The following NCF2 variants were observed in gnomAD, a reference collection of about 807,000 sequenced individuals.
NCF2 encodes the protein neutrophil cytosol factor 2.
A neutral mutation model predicts 70.9 loss-of-function variants in NCF2; 45 were observed. The ratio of observed to expected loss-of-function variants is 0.63; its 90% confidence interval spans 0.50 to 0.81. The LOEUF is 0.81. Among genes scored for constraint, NCF2 ranks in the 40% least tolerant of loss-of-function variants. NCF2 has a pLI of 0.00. For synonymous variants in NCF2, 203 were observed against 233.6 expected (o/e 0.87, Z 1.19); for missense variants, 522 against 631.6 (o/e 0.83, Z 1.86).
chr1:183,563,640 A>G, intron 11 of NCF2, 55 bp from the exon 12 acceptor site: 1 of 1,607,430 alleles, frequency 6.2e-7, no homozygotes, highest in Admixed American at 1.7e-5. Context: ...TTCTCTCAAC[A>G]TCCTGGATCA....
intron 6 of NCF2, among the ~76,000 whole-genome samples, chr1:183,569,780 G>C (rs565234906): frequency 6.6e-6 from 1 of 152,232 alleles, no homozygotes; most frequent in East Asian, 1.9e-4. Flanking sequence ...GTAGGGACAG[G>C]GGTTTCACCA....
intron 3 of NCF2, among the ~76,000 whole-genome samples, chr1:183,577,002 G>C (rs1217732493): frequency 6.6e-6 from 1 of 152,234 alleles, no homozygotes; most frequent in Non-Finnish European, 1.5e-5. Flanking sequence ...GAGAAAAGAA[G>C]TTGTTTTGCA....
chr1:183,569,929 G>A (rs1672472721), intron 6 of NCF2, among the ~76,000 whole-genome samples: 1 of 152,120 alleles, frequency 6.6e-6, no homozygotes, highest in Admixed American at 6.6e-5. Flanking sequence ...TCCACTGACT[G>A]GGCAAGAATC....
chr1:183,586,788 C>T, intron 2 of NCF2, 107 bp downstream of exon 2: 2 of 1,019,068 alleles, frequency 2.0e-6, no homozygotes, highest in South Asian at 1.3e-5. Context: ...AGTCACATTT[C>T]CCAACAGAGG....
intron 1 of NCF2, among the ~76,000 whole-genome samples, chr1:183,588,251 A>G (rs1297195101): frequency 6.6e-6 from 1 of 152,192 alleles, no homozygotes; most frequent in Non-Finnish European, 1.5e-5. Context: ...GAGAGTAGTA[A>G]TTACTATTTA....
chr1:183,569,246 C>A, intron 6 of NCF2, 61 bp from the exon 7 acceptor site: 2 of 1,419,034 alleles, frequency 1.4e-6, no homozygotes, highest in Non-Finnish European at 2.0e-6. Context: ...AGGGGAGAGA[C>A]AACAAACGGC....
intron 3 of NCF2, among the ~76,000 whole-genome samples, chr1:183,576,009 G>A (rs1046334628): frequency 2.0e-5 from 3 of 152,156 alleles, no homozygotes; most frequent in African/African-American, 7.2e-5. Flanking sequence ...AACTCAGATC[G>A]TTTAAAATTT....
chr1:183,577,562 A>G (rs1377140898), intron 3 of NCF2, 37 bp downstream of exon 3: 1 of 1,487,270 alleles, frequency 6.7e-7, no homozygotes, highest in Admixed American at 1.7e-5. Context: ...TCCAGCCATG[A>G]TCCCCTCCTG....
At chr1:183,566,707 C>G (rs1404968215) in intron 9 of NCF2, among the ~76,000 whole-genome samples, 1 of 152,224 alleles carries the variant, frequency 6.6e-6, no homozygotes, top group African/African-American at 2.4e-5. Flanking sequence ...CCAATGGGAC[C>G]TACAGATGCC....
intron 3 of NCF2, among the ~76,000 whole-genome samples, chr1:183,575,256 G>A (rs1672748837): frequency 6.6e-6 from 1 of 152,214 alleles, no homozygotes; most frequent in Non-Finnish European, 1.5e-5. Flanking sequence ...AATCACTTGA[G>A]GTCAGGAGTT....
In NCF2 at chr1:183,563,989, G is replaced by A; in HGVS notation, c.1026+16C>T. ...CATCTTCTACCACTTGAAACAGTAT[G>A]AGGGAAAAATGTTACCTTAGGCTCT... On this transcript the variant is annotated intron_variant, in intron 11 of 14. Transcript: ENST00000367535. The A allele has an allele frequency of 6.2e-7, 1 of 1,602,580 alleles. No individual in the cohort carries two copies. The highest frequency in any genetic ancestry group is 2.2e-5 in the East Asian group (1 of 44,828).
upstream of NCF2, among the ~76,000 whole-genome samples, chr1:183,595,464 T>C (rs960147809): frequency 1.3e-5 from 2 of 152,212 alleles, no homozygotes; most frequent in Non-Finnish European, 2.9e-5. Flanking sequence ...ATGTACTATG[T>C]CACAGTTTTC....
intron 1 of NCF2, among the ~76,000 whole-genome samples, chr1:183,588,224 C>T (rs189885136): frequency 1.2e-4 from 19 of 152,140 alleles, no homozygotes; most frequent in Non-Finnish European, 2.5e-4. Context: ...TCCAACACAA[C>T]AGAGCACCTT....
the NCF2 span, among the ~76,000 whole-genome samples, chr1:183,601,182 C>T: frequency 3.3e-5 from 5 of 152,230 alleles, no homozygotes; most frequent in African/African-American, 9.6e-5. Context: ...TGCAGACCCT[C>T]TGTCCCCTCC....
rs119103275 is a variant in NCF2, at chr1:183,586,922, C to T, written c.230G>A (p.Arg77Gln). 32 of 1,613,950 alleles carry T rather than the reference C, an allele frequency of 2.0e-5. No individual in the cohort carries two copies. Among genetic ancestry groups the T allele is most frequent in the Non-Finnish European group, 2.3e-5 (27 of 1,179,970 alleles). Residue 77 changes from arginine (R) to glutamine (Q), a missense_variant, in exon 2 of 15, where the codon CGA (arginine) becomes CAA (glutamine). By Grantham distance (43) the Arg-to-Gln change is conservative (BLOSUM62 1). Transcript: ENST00000367535. Reference protein sequence around the residue: ...DKHLAVAYFQRGMLYYQTEKY... With the variant: ...DKHLAVAYFQQGMLYYQTEKY... ...CTCTGTCTGGTAGTAGAGCATCCCT[C>T]GTTGGAAGTAAGCCACTGCCAAGTG... is the stretch of plus-strand genomic sequence containing the variant.
intron 2 of NCF2, among the ~76,000 whole-genome samples, chr1:183,577,929 A>C (rs1272468567): frequency 6.6e-6 from 1 of 152,202 alleles, no homozygotes; most frequent in African/African-American, 2.4e-5. Flanking sequence ...AGCAACCCTG[A>C]GTGCCTCGTC....
intron 14 of NCF2, among the ~76,000 whole-genome samples, chr1:183,559,082 A>C (rs1671922605): frequency 6.6e-6 from 1 of 152,170 alleles, no homozygotes. Flanking sequence ...GACCAGCATC[A>C]CCTGGAAACT....
At chr1:183,562,254 G>T (rs1305642990) in intron 13 of NCF2, among the ~76,000 whole-genome samples, 2 of 152,152 alleles carry the variant, frequency 1.3e-5, no homozygotes, top group African/African-American at 2.4e-5. Context: ...AAAAGTTTAA[G>T]TGAAGTAGTT....
upstream of NCF2, among the ~76,000 whole-genome samples, chr1:183,593,278 C>T (rs1373827623): frequency 6.6e-6 from 1 of 152,200 alleles, no homozygotes; most frequent in African/African-American, 2.4e-5. Flanking sequence ...AAGCCACTAT[C>T]AACTCCCAGG....
Sources: allele counts gnomAD v4.1 joint callset (sites outside exome capture counted in the v4.1 genomes callset), GRCh38; gene constraint gnomAD v4.1.1; transcripts MANE v1.5; gene names NCBI Gene and HGNC (gene_info 2026-07-23, HGNC 2026-07-21).